Variants in SAMD12 observed in about 807,000 individuals in gnomAD.
SAMD12 encodes the protein sterile alpha motif domain-containing protein 12.
Under a neutral mutation model 15.0 loss-of-function variants are expected in SAMD12, and 9 were observed. The ratio of observed to expected loss-of-function variants is 0.60; its 90% CI spans 0.36 to 1.05. SAMD12 has a LOEUF of 1.05. Among genes scored for constraint, SAMD12 ranks in the 50% least tolerant of loss-of-function variants. SAMD12 has a pLI of 0.01. For missense variants in SAMD12, 230 were observed against 234.2 expected (o/e 0.98, Z 0.12); for synonymous variants, 86 against 90.1 (o/e 0.96, Z 0.25).
intron 1 of SAMD12, among the ~76,000 whole-genome samples, chr8:118,593,822 G>A (rs1272389326): frequency 6.6e-6 from 1 of 151,602 alleles, no homozygotes; most frequent in Non-Finnish European, 1.5e-5. Context: ...AATGATCTAA[G>A]TAACCACATC....
chr8:118,509,499 T>C (rs79054922), intron 2 of SAMD12, among the ~76,000 whole-genome samples: 3,576 of 152,226 alleles, frequency 0.023, 114 homozygotes, highest in African/African-American at 0.076. Context: ...TTTGACTCTG[T>C]GGGCAGGAAT....
chr8:118,391,686 G>C (rs6983446), intron 3 of SAMD12, among the ~76,000 whole-genome samples: 34,817 of 152,060 alleles, frequency 0.23, 4,500 homozygotes, highest in African/African-American at 0.31. Flanking sequence ...TGAGGGATTT[G>C]TATTTCCTTA....
At chr8:118,568,547 G>A (rs1826914051) in intron 2 of SAMD12, among the ~76,000 whole-genome samples, 1 of 152,180 alleles carries the variant, frequency 6.6e-6, no homozygotes, top group African/African-American at 2.4e-5. Context: ...AATGAATATT[G>A]TGAAAACATT....
intron 2 of SAMD12, among the ~76,000 whole-genome samples, chr8:118,480,877 G>A (rs1382430025): frequency 6.6e-6 from 1 of 152,056 alleles, no homozygotes; most frequent in Non-Finnish European, 1.5e-5. Context: ...TATCTGCCCA[G>A]GCCTTTCTCA....
At chr8:118,392,725 C>G (rs902179050) in intron 3 of SAMD12, among the ~76,000 whole-genome samples, 2 of 152,130 alleles carry the variant, frequency 1.3e-5, no homozygotes, top group African/African-American at 2.4e-5. Flanking sequence ...TTATCTAGAA[C>G]AGGGGATTAC....
chr8:118,572,435 G>A (rs1030168692), intron 2 of SAMD12, among the ~76,000 whole-genome samples: 1 of 152,098 alleles, frequency 6.6e-6, no homozygotes, highest in African/African-American at 2.4e-5. Flanking sequence ...ATTTGGGAGG[G>A]GCCAGGGGCA....
chr8:118,150,215 A>G, the SAMD12 span, among the ~76,000 whole-genome samples: 3 of 152,218 alleles, frequency 2.0e-5, no homozygotes, highest in African/African-American at 2.4e-5. Flanking sequence ...CTGCTTTTGA[A>G]TTTATGATAT....
intron 2 of SAMD12, among the ~76,000 whole-genome samples, chr8:118,548,419 A>ACC (rs1293227918): frequency 5.1e-5 from 6 of 117,664 alleles, no homozygotes; most frequent in African/African-American, 2.0e-4. Flanking sequence ...ACACACACAC[A>ACC]CACACCCCAT....
chr8:118,477,396 T>A (rs1180267491), intron 2 of SAMD12, among the ~76,000 whole-genome samples: 1 of 152,148 alleles, frequency 6.6e-6, no homozygotes, highest in Non-Finnish European at 1.5e-5. Flanking sequence ...CAATTCAGAA[T>A]GGCTGTTTCA....
chr8:118,446,137 T>C lies in SAMD12; in HGVS notation c.193-6176A>G, dbSNP rs1158092536. 2.0e-5 allele frequency among the ~76,000 whole-genome samples: 3 copies of C among 152,262 alleles called. No individual in the cohort carries two copies. In the East Asian group the frequency reaches 5.8e-4, roughly 29 times the overall value. ...AGCTCTTTGAGGTTCTTAAAAACTT[T>C]TAAGAGTGCGACAAAGTCCTGGGAC... On this transcript the variant is annotated intron_variant, in intron 2 of 3. Transcript: ENST00000314727.
At chr8:118,420,993 G>A (rs559990769) in intron 3 of SAMD12, among the ~76,000 whole-genome samples, 6 of 152,102 alleles carry the variant, frequency 3.9e-5, no homozygotes, top group Non-Finnish European at 5.9e-5. Context: ...AAGACCCTAC[G>A]ACCTACAAAG....
chr8:118,291,198 T>G (rs1359360438), intron 4 of SAMD12: 1 of 152,220 alleles, frequency 6.6e-6, no homozygotes, highest in East Asian at 1.9e-4. Context: ...CATACACCTT[T>G]TCTTTTTTCT....
chr8:118,403,510 T>TA (rs201366783), intron 3 of SAMD12, among the ~76,000 whole-genome samples: 4,040 of 151,838 alleles, frequency 0.027, 137 homozygotes, highest in African/African-American at 0.077. Flanking sequence ...GTTTCTAAAA[T>TA]AAAAAAAATT....
At chr8:118,243,038 C>G (rs1213260463) in intron 4 of SAMD12, among the ~76,000 whole-genome samples, 2 of 152,072 alleles carry the variant, frequency 1.3e-5, no homozygotes, top group African/African-American at 4.8e-5. Flanking sequence ...AAATTCTTCC[C>G]AGTTATTTAT....
intron 4 of SAMD12, among the ~76,000 whole-genome samples, chr8:118,245,654 G>A (rs1812672960): frequency 1.3e-5 from 2 of 151,988 alleles, no homozygotes; most frequent in Non-Finnish European, 2.9e-5. Context: ...TCTTTTATAG[G>A]AATAATCAAA....
chr8:118,447,857 C>T (rs900341661), intron 2 of SAMD12, among the ~76,000 whole-genome samples: 76 of 151,832 alleles, frequency 5.0e-4, no homozygotes, highest in African/African-American at 1.8e-3. Flanking sequence ...TCCCGAGTAG[C>T]TGGGGCTACA....
chr8:118,188,954 A>G (rs1819290390), downstream of SAMD12, among the ~76,000 whole-genome samples: 1 of 152,146 alleles, frequency 6.6e-6, no homozygotes, highest in African/African-American at 2.4e-5. Flanking sequence ...TTGATAAAAT[A>G]CAGATAGCTT....
chr8:118,197,041 A>G (rs1819584475), exon 5 of SAMD12: 1 of 152,096 alleles, frequency 6.6e-6, no homozygotes, highest in Admixed American at 6.6e-5. Context: ...ACAACTGGGG[A>G]TATGCGAGTA....
intron 4 of SAMD12, among the ~76,000 whole-genome samples, chr8:118,283,970 A>G (rs1813793069): frequency 6.6e-6 from 1 of 152,212 alleles, no homozygotes; most frequent in South Asian, 2.1e-4. Flanking sequence ...GGCACCCTAG[A>G]ATAAACTGTA....
Sources: gnomAD v4.1 joint callset for allele counts (sites outside exome capture counted in the v4.1 genomes callset) on GRCh38, gnomAD v4.1.1 for gene constraint, MANE v1.5 for transcripts, NCBI Gene and HGNC (gene_info 2026-07-23, HGNC 2026-07-21) for gene names.